The following WDFY2 variants were observed in gnomAD, a reference collection of about 807,000 sequenced individuals.
WDFY2 encodes the protein WD repeat and FYVE domain containing 2, also known as WD repeat and FYVE domain-containing protein 2.
A neutral mutation model predicts 56.4 loss-of-function variants in WDFY2; 36 were observed. The observed-to-expected ratio is 0.64, with a 90% confidence interval of 0.49 to 0.84. The LOEUF is 0.84. WDFY2 is among the 40% of genes least tolerant of loss of function. The probability of loss-of-function intolerance (pLI) is 0.00; values close to 1 mark genes in which losing one functional copy is unlikely to be tolerated. For synonymous variants in WDFY2, 176 were observed against 183.7 expected, an observed-to-expected ratio of 0.96 and a Z score of 0.34; for missense variants, 444 against 512.2, an observed-to-expected ratio of 0.87 and a Z score of 1.29.
At chr13:51,613,663 G>C (rs1388380691) in intron 1 of WDFY2, among the ~76,000 whole-genome samples, 1 of 152,074 alleles carries the variant, frequency 6.6e-6, no homozygotes, top group Non-Finnish European at 1.5e-5. Flanking sequence ...TAATTGTTAA[G>C]AATTCCTTCT....
chr13:51,668,176 G>A (rs1301608268), intron 2 of WDFY2, among the ~76,000 whole-genome samples: 2 of 152,038 alleles, frequency 1.3e-5, no homozygotes, highest in African/African-American at 4.8e-5. Flanking sequence ...ACCGCACCCG[G>A]CCCGGAACTT....
chr13:51,758,289 A>C lies in WDFY2; in HGVS notation c.1162A>C (p.Lys388Gln), dbSNP rs746494123. The change falls in exon 11 of 12, where the codon AAG (lysine) becomes CAG (glutamine). Residue 388 changes from lysine to glutamine, a missense_variant. By Grantham distance (53) the Lys-to-Gln change is moderately conservative (BLOSUM62 1). Coordinates refer to ENST00000298125, the MANE Select transcript of WDFY2 (RefSeq NM_052950.4). ...RGWLLTSGTD[K>Q]VIKLWDMTPV... is the part of the protein sequence containing the mutation. ...ATGGTTACTGACTTCTGGAACTGAC[A>C]AGGTTATTAAGGTAAGATGCCATCT... 6.3e-7 allele frequency: 1 copy of C among 1,587,448 alleles called. No homozygotes were observed. The highest frequency in any genetic ancestry group is 8.6e-7 in the Non-Finnish European group (1 of 1,159,456).
At chr13:51,701,047 C>T (rs1951974274) in intron 3 of WDFY2, among the ~76,000 whole-genome samples, 1 of 152,200 alleles carries the variant, frequency 6.6e-6, no homozygotes, top group Non-Finnish European at 1.5e-5. Flanking sequence ...TGTGGAATTG[C>T]ATGCATGAAC....
At chr13:51,693,609 G>T (rs1190097889) in intron 3 of WDFY2, among the ~76,000 whole-genome samples, 5 of 152,012 alleles carry the variant, frequency 3.3e-5, no homozygotes, top group African/African-American at 1.2e-4. Flanking sequence ...CCACCTATGT[G>T]GTCAATTTTG....
chr13:51,651,660 G>A (rs1008924907), intron 1 of WDFY2, among the ~76,000 whole-genome samples: 2 of 152,080 alleles, frequency 1.3e-5, no homozygotes, highest in African/African-American at 2.4e-5. Context: ...TTTCTGCCTT[G>A]ATTTTGTTAT....
intron 10 of WDFY2, among the ~76,000 whole-genome samples, chr13:51,757,900 TGTG>T (rs2138759483): frequency 6.6e-6 from 1 of 152,186 alleles, no homozygotes; most frequent in South Asian, 2.1e-4. Context: ...GCAAAAGCCC[TGTG>T]GTTTTAAAAG....
At chr13:51,687,024 C>T (rs1442327680) in intron 3 of WDFY2, among the ~76,000 whole-genome samples, 4 of 150,688 alleles carry the variant, frequency 2.7e-5, no homozygotes, top group Non-Finnish European at 5.9e-5. Context: ...TAAATGAAAA[C>T]ACTAATAATG....
At chr13:51,691,632 A>C (rs2138546429) in intron 3 of WDFY2, among the ~76,000 whole-genome samples, 1 of 152,150 alleles carries the variant, frequency 6.6e-6, no homozygotes, top group South Asian at 2.1e-4. Context: ...AGGTAGTGTG[A>C]TGCCTCCAGC....
chr13:51,665,766 G>A (rs977210137), intron 2 of WDFY2, among the ~76,000 whole-genome samples: 3 of 152,324 alleles, frequency 2.0e-5, no homozygotes, highest in South Asian at 2.1e-4. Context: ...CAGGCCGGGT[G>A]TGTTGGAGAA....
intron 1 of WDFY2, among the ~76,000 whole-genome samples, chr13:51,633,513 G>C (rs1269810602): frequency 6.6e-6 from 1 of 152,202 alleles, no homozygotes; most frequent in East Asian, 1.9e-4. Context: ...CAGTTTTGTT[G>C]TGGGTGTTCT....
chr13:51,697,145 T>C (rs904727609), intron 3 of WDFY2, among the ~76,000 whole-genome samples: 1 of 152,182 alleles, frequency 6.6e-6, no homozygotes, highest in Non-Finnish European at 1.5e-5. Flanking sequence ...TCTAGAATAC[T>C]AATGGAAAGG....
rs56054205 is a variant in WDFY2 at position 51,707,939 on chromosome 13, C to CTTTTTTTTTTT, written c.334+4311_334+4321dup. ...ATATATACTATTAACCCTAAAACAA[C>CTTTTTTTTTTT]TTTTTTTTTTTTTTTTTTTTTTTTT... On this transcript the variant is annotated intron_variant, in intron 4 of 11. Transcript: ENST00000298125. Among the ~76,000 whole-genome samples, 116 of 57,564 alleles carry CTTTTTTTTTTT rather than the reference C, an allele frequency of 2.0e-3. 10 individuals carry two copies. The highest frequency in any genetic ancestry group is 4.1e-3 in the African/African-American group (58 of 13,978). 37.8% of individuals were successfully genotyped at this position (57,564 alleles called of 152,430 possible). A position where few individuals can be genotyped will look rare whatever the true frequency, so the allele number is the denominator to read the frequency against.
At chr13:51,692,134 T>C (rs1322689425) in intron 3 of WDFY2, among the ~76,000 whole-genome samples, 1 of 152,228 alleles carries the variant, frequency 6.6e-6, no homozygotes, top group African/African-American at 2.4e-5. Flanking sequence ...TCATGTCATC[T>C]GCAAACAGGG....
chr13:51,633,550 C>T (rs964039037), intron 1 of WDFY2, among the ~76,000 whole-genome samples: 11 of 152,130 alleles, frequency 7.2e-5, no homozygotes, highest in Non-Finnish European at 1.0e-4. Flanking sequence ...TTGGCCTCTC[C>T]GCTCACTCTG....
intron 3 of WDFY2, among the ~76,000 whole-genome samples, chr13:51,688,715 C>T (rs1956101623): frequency 6.6e-6 from 1 of 152,174 alleles, no homozygotes; most frequent in East Asian, 1.9e-4. Context: ...TTGTCAGCCT[C>T]ATAACCATTA....
intron 5 of WDFY2, among the ~76,000 whole-genome samples, chr13:51,724,933 A>G (rs753110596): frequency 1.3e-5 from 2 of 152,216 alleles, no homozygotes; most frequent in Non-Finnish European, 2.9e-5. Context: ...TTCTGACTCA[A>G]CATGTCTCAA....
intron 5 of WDFY2, among the ~76,000 whole-genome samples, chr13:51,721,603 T>C (rs2138635792): frequency 6.6e-6 from 1 of 152,082 alleles, no homozygotes; most frequent in South Asian, 2.1e-4. Flanking sequence ...TGATTGGGTA[T>C]CAGAAGCCTG....
Position 51,734,429 on chromosome 13 carries a change from A to G in WDFY2, c.599-4620A>G, listed in dbSNP as rs548051823. Among the ~76,000 whole-genome samples, 4 of 152,360 alleles carry G rather than the reference A, an allele frequency of 2.6e-5. No individual in the cohort carries two copies. In the East Asian group the frequency reaches 7.7e-4, roughly 29 times the overall value. On this transcript the variant is annotated intron_variant, in intron 6 of 11. Coordinates refer to ENST00000298125, the MANE Select transcript of WDFY2 (RefSeq NM_052950.4). ...AAAATCTAAAAATAGTTGAAATAAG[A>G]TACATACGTGGGAGATATTAGCCAA...
At chr13:51,631,011 C>G (rs1954941802) in intron 1 of WDFY2, among the ~76,000 whole-genome samples, 1 of 151,208 alleles carries the variant, frequency 6.6e-6, no homozygotes, top group Non-Finnish European at 1.5e-5. Flanking sequence ...AACTCCTGAC[C>G]TCAGGTGATC....
Sources: gnomAD v4.1 joint callset for allele counts (sites outside exome capture counted in the v4.1 genomes callset) on GRCh38, gnomAD v4.1.1 for gene constraint, MANE v1.5 for transcripts, NCBI Gene and HGNC (gene_info 2026-07-23, HGNC 2026-07-21) for gene names.